The following INTS14 variants were observed in gnomAD, a reference collection of about 807,000 sequenced individuals.
The protein encoded by INTS14 is integrator complex subunit 14, also known as UPF0464 protein C15orf44.
In INTS14, 27 loss-of-function variants were observed where a neutral mutation model predicts 56.9. The ratio of observed to expected loss-of-function variants is 0.47; its 90% confidence interval spans 0.35 to 0.65. The LOEUF (loss-of-function observed/expected upper bound fraction) is 0.65, where lower values mean the gene tolerates loss of function less well. Ranked by LOEUF, INTS14 falls within the 30% of genes least tolerant of loss-of-function variation. The pLI, the probability that INTS14 is intolerant of heterozygous loss-of-function variation, is 0.00. For synonymous variants in INTS14, 207 were observed against 236.2 expected, an observed-to-expected ratio of 0.88 and a Z score of 1.13; for missense variants, 517 against 632.2, an observed-to-expected ratio of 0.82 and a Z score of 1.95.
chr15:65,592,056 G>A (rs965362224), intron 8 of INTS14, among the ~76,000 whole-genome samples: 2 of 152,178 alleles, frequency 1.3e-5, no homozygotes, highest in Non-Finnish European at 2.9e-5. Context: ...GTGACCTATA[G>A]GTCCTGTCAC....
At chr15:65,610,119 G>A (rs1425159706) in intron 1 of INTS14, among the ~76,000 whole-genome samples, 1 of 151,782 alleles carries the variant, frequency 6.6e-6, no homozygotes. Flanking sequence ...CAGCACTTTG[G>A]GAGGCTGAGG....
chr15:65,605,926 T>C (rs2073627398), intron 2 of INTS14, among the ~76,000 whole-genome samples: 1 of 152,206 alleles, frequency 6.6e-6, no homozygotes, highest in Admixed American at 6.5e-5. Flanking sequence ...TTTAAGTCAC[T>C]AATTTTTTTA....
intron 7 of INTS14, 40 bp from the exon 8 acceptor site, chr15:65,593,612 T>C (rs1176676786): frequency 6.3e-7 from 1 of 1,594,174 alleles, no homozygotes; most frequent in Non-Finnish European, 8.5e-7. Flanking sequence ...TGAAATTACC[T>C]ACAAAAACCC....
chr15:65,605,311 C>T (rs1596267694), intron 2 of INTS14, 75 bp from the exon 3 acceptor site: 1 of 1,175,306 alleles, frequency 8.5e-7, no homozygotes, highest in East Asian at 2.4e-5. Flanking sequence ...ATAAATTGTT[C>T]AAAGTATGAA....
At chr15:65,596,780 G>A (rs1596254209) in intron 6 of INTS14, among the ~76,000 whole-genome samples, 1 of 152,180 alleles carries the variant, frequency 6.6e-6, no homozygotes, top group East Asian at 1.9e-4. Flanking sequence ...ATGTTGGTCA[G>A]GCTGGTCTCC....
In INTS14 at chr15:65,601,804, T is replaced by C. The variant is rs74704042; in HGVS notation, c.331-1875A>G. The stretch of plus-strand genomic sequence containing the variant: ...TCCTTTTCTAGGTACCAAGAATTGC[T>C]ATACAATGATTTACCTCCATCGGCT... On this transcript the variant is annotated intron_variant, in intron 3 of 11. Coordinates refer to ENST00000313182, the MANE Select transcript of INTS14 (RefSeq NM_001394796.1). Among the ~76,000 whole-genome samples the C allele has an allele frequency of 3.7e-3, 560 of 152,354 alleles. 1 individual carries two copies. Among genetic ancestry groups the C allele is most frequent in the Non-Finnish European group, 6.6e-3 (446 of 68,030 alleles).
intron 9 of INTS14, among the ~76,000 whole-genome samples, chr15:65,587,475 A>T (rs1361713135): frequency 1.3e-5 from 2 of 152,230 alleles, no homozygotes; most frequent in Non-Finnish European, 2.9e-5. Flanking sequence ...AAGTTGCAAA[A>T]CAAAGGAAAT....
intron 3 of INTS14, among the ~76,000 whole-genome samples, chr15:65,604,242 C>T (rs1341151396): frequency 6.6e-6 from 1 of 152,130 alleles, no homozygotes; most frequent in Non-Finnish European, 1.5e-5. Context: ...ACCACCACAC[C>T]CAGCTAATTT....
At chr15:65,596,427 A>T (rs2073214129) in intron 6 of INTS14, among the ~76,000 whole-genome samples, 1 of 150,262 alleles carries the variant, frequency 6.7e-6, no homozygotes, top group Non-Finnish European at 1.5e-5. Flanking sequence ...AAAATTATAA[A>T]GAAGAAAAAG....
chr15:65,602,825 G>A (rs1262632327), intron 3 of INTS14, among the ~76,000 whole-genome samples: 1 of 152,112 alleles, frequency 6.6e-6, no homozygotes, highest in African/African-American at 2.4e-5. Context: ...GCGCCACCAC[G>A]TCTGGCTAAT....
chr15:65,599,749 C>A, intron 4 of INTS14, 25 bp downstream of exon 4: 1 of 1,609,422 alleles, frequency 6.2e-7, no homozygotes, highest in South Asian at 1.1e-5. Context: ...CCTAATCAAA[C>A]TAAAAACTTA....
intron 7 of INTS14, among the ~76,000 whole-genome samples, chr15:65,594,375 T>TC (rs773712207): frequency 1.3e-5 from 2 of 151,126 alleles, no homozygotes; most frequent in Non-Finnish European, 2.9e-5. Context: ...TACTCTGCTT[T>TC]CCCATATTTT....
intron 10 of INTS14, among the ~76,000 whole-genome samples, chr15:65,582,234 AC>A (rs2072649935): frequency 6.6e-6 from 1 of 152,230 alleles, no homozygotes; most frequent in Admixed American, 6.5e-5. Flanking sequence ...CCTGACAGAA[AC>A]GAACTTGCCT....
At position 65,610,547 on chromosome 15, in the gene INTS14, T is replaced by A. The variant is rs2073876079; in HGVS notation, c.-63+551A>T. 4 of 916,396 alleles carry A rather than the reference T, an allele frequency of 4.4e-6. No homozygotes were observed. The South Asian group carries it at 5.9e-5, about 14-fold the overall frequency. 56.8% of individuals were successfully genotyped at this position (916,396 alleles called of 1,614,324 possible). A position where few individuals can be genotyped will look rare whatever the true frequency, so the allele number is the denominator to read the frequency against. On this transcript the variant is annotated intron_variant, in intron 1 of 11. Transcript: ENST00000313182. ...GAGAAATAGGCCCTAGCCACCTATT[T>A]GGCCTTGAATACCAAGTGTCCATCA...
rs542519735 is a variant in INTS14 at position 65,605,169 on chromosome 15, T to C, written c.290A>G (p.Asn97Ser). 10 of 1,614,170 alleles carry C rather than the reference T, an allele frequency of 6.2e-6. No homozygotes were observed. Among genetic ancestry groups the C allele is most frequent in the Middle Eastern group, 1.7e-4 (1 of 6,060 alleles). The part of the protein sequence containing the change: ...CLESALVGVC[N>S]IVQQEWGGAI... ...ACCACCCCATTCTTGCTGAACGATATTGCAAACACCAACTAATGCAGACTC... is the reference window on the plus strand; with the variant it reads ...ACCACCCCATTCTTGCTGAACGATACTGCAAACACCAACTAATGCAGACTC... The change falls in exon 3 of 12, where the codon AAT (asparagine) becomes AGT (serine). Residue 97 changes from asparagine (N) to serine (S), a missense_variant. Asn to Ser is a conservative substitution (Grantham distance 46). Coordinates refer to ENST00000313182, the MANE Select transcript of INTS14 (RefSeq NM_001394796.1).
chr15:65,592,451 G>T (rs1473549807), intron 8 of INTS14, among the ~76,000 whole-genome samples: 3 of 152,182 alleles, frequency 2.0e-5, no homozygotes, highest in Non-Finnish European at 4.4e-5. Flanking sequence ...TGAGACTTCA[G>T]AAAATGTAAA....
At position 65,579,351 on chromosome 15, in the gene INTS14, T is replaced by G. The variant is rs2072489513; in HGVS notation, c.*57A>C. 9 of 1,580,106 alleles carry G rather than the reference T, an allele frequency of 5.7e-6. No individual in the cohort carries two copies. In the East Asian group the frequency reaches 2.0e-4, roughly 36 times the overall value. On this transcript the variant is annotated 3_prime_UTR_variant, in exon 12 of 12. Transcript: ENST00000313182. ...AGAGGTGAACATACTGGAAAGGTTT[T>G]TACCTAAAGCATTTTCAGTTGAAAT...
intron 1 of INTS14, among the ~76,000 whole-genome samples, chr15:65,607,917 G>A (rs2073714730): frequency 6.6e-6 from 1 of 152,146 alleles, no homozygotes; most frequent in African/African-American, 2.4e-5. Context: ...TTAGTAAAAT[G>A]AATGCCAAAT....
chr15:65,608,247 C>T (rs1003409812), intron 1 of INTS14, among the ~76,000 whole-genome samples: 4 of 150,846 alleles, frequency 2.7e-5, no homozygotes, highest in Non-Finnish European at 5.9e-5. Context: ...ATGGTGGCTA[C>T]TTGGGAGGCT....
Sources: allele counts gnomAD v4.1 joint callset (sites outside exome capture counted in the v4.1 genomes callset), GRCh38; gene constraint gnomAD v4.1.1; transcripts MANE v1.5; gene names NCBI Gene and HGNC (gene_info 2026-07-23, HGNC 2026-07-21).